TYR: variants seen among roughly 807,000 people sequenced by gnomAD.
The protein encoded by TYR is tyrosinase, also known as LB24-AB.
In TYR, 58 loss-of-function variants were observed where a neutral mutation model predicts 51.5. The observed-to-expected ratio is 1.13, with a 90% CI of 0.91 to 1.40. The LOEUF (loss-of-function observed/expected upper bound fraction) is 1.40. Ranked by LOEUF, TYR falls within the 40% of genes most tolerant of loss-of-function variation. TYR has a pLI of 0.00. For synonymous variants in TYR, 263 were observed against 235.2 expected, an observed-to-expected ratio of 1.12 and a Z score of -1.08; for missense variants, 732 against 647.4, an observed-to-expected ratio of 1.13 and a Z score of -1.42.
intron 2 of TYR, among the ~76,000 whole-genome samples, chr11:89,202,417 G>T (rs987087231): frequency 2.4e-4 from 35 of 147,868 alleles, no homozygotes; most frequent in African/African-American, 7.9e-4. Context: ...AAATGAAGCA[G>T]TTTTTTTTTT....
At chr11:89,260,535 G>A (rs1357306444) in intron 3 of TYR, among the ~76,000 whole-genome samples, 2 of 152,040 alleles carry the variant, frequency 1.3e-5, no homozygotes, top group East Asian at 3.9e-4. Flanking sequence ...ATTGCTGGTA[G>A]ACTTCCTCCA....
chr11:89,243,908 AT>A (rs1944233029), intron 3 of TYR, among the ~76,000 whole-genome samples: 1 of 152,154 alleles, frequency 6.6e-6, no homozygotes, highest in Non-Finnish European at 1.5e-5. Flanking sequence ...ATATTTAAAA[AT>A]ATTCCATTTC....
chr11:89,277,504 C>T (rs1360399906), intron 3 of TYR, among the ~76,000 whole-genome samples: 2 of 151,694 alleles, frequency 1.3e-5, no homozygotes, highest in Non-Finnish European at 3.0e-5. Context: ...GGTGAGCTGA[C>T]TTCTCAATTT....
At chr11:89,262,692 A>C (rs1450648717) in intron 3 of TYR, among the ~76,000 whole-genome samples, 1 of 148,004 alleles carries the variant, frequency 6.8e-6, no homozygotes, top group Middle Eastern at 3.4e-3. Flanking sequence ...AGAAAAAATT[A>C]CAAAGGAATA....
At chr11:89,189,145 G>C (rs1357876518) in intron 1 of TYR, among the ~76,000 whole-genome samples, 1 of 152,012 alleles carries the variant, frequency 6.6e-6, no homozygotes, top group African/African-American at 2.4e-5. Flanking sequence ...CACTAAAGAT[G>C]AAGTTGGAAA....
chr11:89,295,007 C>A (rs1944890579), intron 4 of TYR, 136 bp from the exon 5 acceptor site: 2 of 1,429,582 alleles, frequency 1.4e-6, no homozygotes. Context: ...CTTTCCCAAG[C>A]TCTTACAGTT....
At chr11:89,275,465 T>C (rs548004977) in intron 3 of TYR, among the ~76,000 whole-genome samples, 24 of 152,062 alleles carry the variant, frequency 1.6e-4, no homozygotes, top group African/African-American at 5.8e-4. Flanking sequence ...CCCCAGATCT[T>C]CTACTGCTTT....
chr11:89,242,268 T>G (rs1332475982), intron 3 of TYR, among the ~76,000 whole-genome samples: 1 of 152,056 alleles, frequency 6.6e-6, no homozygotes, highest in Non-Finnish European at 1.5e-5. Context: ...AGTGCAGTGG[T>G]GCAATCTCAG....
At chr11:89,218,352 A>G (rs1325842640) in intron 2 of TYR, among the ~76,000 whole-genome samples, 1 of 152,222 alleles carries the variant, frequency 6.6e-6, no homozygotes, top group Non-Finnish European at 1.5e-5. Context: ...AATAAATGAC[A>G]TATTCTGCCC....
intron 2 of TYR, among the ~76,000 whole-genome samples, chr11:89,214,782 T>G (rs778488953): frequency 8.1e-4 from 123 of 152,192 alleles, no homozygotes; most frequent in Admixed American, 1.9e-3. Flanking sequence ...AGCTCTAAAG[T>G]AAATCAAAAG....
rs1456743565 is a variant in TYR, at chr11:89,266,585, C to T, written c.1185-18188C>T. Among the ~76,000 whole-genome samples, 3 of 151,876 alleles carry T rather than the reference C, an allele frequency of 2.0e-5. No homozygotes were observed. The East Asian group carries it at 5.8e-4, about 29-fold the overall frequency. On this transcript the variant is annotated intron_variant, in intron 3 of 4. Transcript: ENST00000263321. ...CCTCCATATAATTCTTTCTATGCAC[C>T]ATTTTTTCACACAATTCCACTCTTC...
Position 89,178,630 on chromosome 11 carries a change from C to T in TYR, c.677C>T (p.Thr226Ile). 2 of 1,612,440 alleles carry T rather than the reference C, an allele frequency of 1.2e-6. No individual in the cohort carries two copies. The highest frequency in any genetic ancestry group is 2.2e-5 in the East Asian group (1 of 44,846). ...LRWEQEIQKL[T>I]GDENFTIPYW... ...TGGGAACAAGAAATCCAGAAGCTGA[C>T]AGGAGATGAAAACTTCACTATTCCA... Residue 226 changes from threonine (T) to isoleucine (I), a missense_variant, in exon 1 of 5, where the codon ACA (threonine) becomes ATA (isoleucine). Thr to Ile is a moderately conservative substitution (Grantham distance 89). Transcript: ENST00000263321.
chr11:89,178,678 A>C lies in TYR; in HGVS notation c.725A>C (p.Glu242Ala). The part of the protein sequence containing the change: ...TIPYWDWRDA[E>A]KCDICTDEYM... Reference sequence around the variant, plus strand: ...CCATATTGGGACTGGCGGGATGCAGAAAAGTGTGACATTTGCACAGATGAG... The same window carrying C: ...CCATATTGGGACTGGCGGGATGCAGCAAAGTGTGACATTTGCACAGATGAG... Residue 242 changes from glutamate to alanine, a missense_variant, in exon 1 of 5, where the codon GAA becomes GCA. Glu to Ala is a moderately radical substitution (Grantham distance 107, BLOSUM62 -1). Coordinates refer to ENST00000263321, the MANE Select transcript of TYR (RefSeq NM_000372.5). 1 of 1,613,830 alleles carries C rather than the reference A, an allele frequency of 6.2e-7. No homozygotes were observed. The highest frequency in any genetic ancestry group is 8.5e-7 in the Non-Finnish European group (1 of 1,179,784).
chr11:89,275,541 A>C (rs1430940974), intron 3 of TYR, among the ~76,000 whole-genome samples: 1 of 151,902 alleles, frequency 6.6e-6, no homozygotes, highest in Non-Finnish European at 1.5e-5. Flanking sequence ...GTAAAATGGA[A>C]TCAATAAAAT....
intron 3 of TYR, among the ~76,000 whole-genome samples, chr11:89,241,405 T>C (rs1247725469): frequency 6.6e-6 from 1 of 152,190 alleles, no homozygotes; most frequent in Non-Finnish European, 1.5e-5. Flanking sequence ...GCATTGATCA[T>C]ATCTAGTTTG....
At chr11:89,218,121 AG>A (rs1665495718) in intron 2 of TYR, among the ~76,000 whole-genome samples, 1 of 152,136 alleles carries the variant, frequency 6.6e-6, no homozygotes, top group Non-Finnish European at 1.5e-5. Flanking sequence ...GAGACTATTG[AG>A]AGAGGCCTAT....
chr11:89,194,650 T>TCTATCTA (rs1943491508), intron 2 of TYR, among the ~76,000 whole-genome samples: 1 of 150,494 alleles, frequency 6.6e-6, no homozygotes. Context: ...CCTCCATTTT[T>TCTATCTA]TCTATCTATC....
intron 3 of TYR, among the ~76,000 whole-genome samples, chr11:89,252,766 T>A (rs2135300858): frequency 6.6e-6 from 1 of 151,824 alleles, no homozygotes; most frequent in East Asian, 1.9e-4. Context: ...TACAGGAGAA[T>A]AAGATCGGGG....
rs1944898580 is a variant in TYR at position 89,295,481 on chromosome 11, T to C, written c.*115T>C. ...TTTTCTGTAAAGACCATTTGCAAAA[T>C]TGTAACCTAATACAAAGTGTAGCCT... On this transcript the variant is annotated 3_prime_UTR_variant, in exon 5 of 5. Coordinates refer to ENST00000263321, the MANE Select transcript of TYR (RefSeq NM_000372.5). 7 of 1,361,100 alleles carry C rather than the reference T, an allele frequency of 5.1e-6. No individual in the cohort carries two copies. Among genetic ancestry groups the C allele is most frequent in the Admixed American group, 2.0e-5 (1 of 50,780 alleles). 84.3% of individuals were successfully genotyped at this position (1,361,100 alleles called of 1,614,324 possible).
Sources: gnomAD v4.1 joint callset for allele counts (sites outside exome capture counted in the v4.1 genomes callset) on GRCh38, gnomAD v4.1.1 for gene constraint, MANE v1.5 for transcripts, NCBI Gene and HGNC (gene_info 2026-07-23, HGNC 2026-07-21) for gene names.